CDK10: variants seen among roughly 807,000 people sequenced by gnomAD.
CDK10 encodes cyclin-dependent kinase 10.
CDK10 carries 55 observed loss-of-function variants against 51.0 expected under a neutral mutation model. That is an observed-to-expected ratio of 1.08 (90% CI 0.87 to 1.35). CDK10 has a LOEUF of 1.35. Among genes scored for constraint, CDK10 ranks in the 40% most tolerant of loss-of-function variants. The pLI is 0.00. For synonymous variants in CDK10, 255 were observed against 199.1 expected (o/e 1.28, Z -2.36); for missense variants, 589 against 485.1 (o/e 1.21, Z -2.01).
At chr16:89,688,212 G>A (rs537936441) in intron 1 of CDK10, among the ~76,000 whole-genome samples, 1 of 151,044 alleles carries the variant, frequency 6.6e-6, no homozygotes, top group Non-Finnish European at 1.5e-5. Context: ...CTCCCAAGCA[G>A]CTGGGACTAC....
Position 89,691,493 on chromosome 16 carries a change from C to T in CDK10, c.283C>T (p.His95Tyr). 6.2e-7 allele frequency: 1 copy of T among 1,613,976 alleles called. No homozygotes were observed. Among genetic ancestry groups the T allele is most frequent in the Non-Finnish European group, 8.5e-7 (1 of 1,179,946 alleles). ...GATCACGCTGCTGCTCCGCCTGCGT[C>T]ATCCGAACATCGTGGAGCTGAAGGA... ...REITLLLRLR[H>Y]PNIVELKEVV... The change falls in exon 4 of 13, where the codon CAT becomes TAT. Residue 95 changes from histidine (H) to tyrosine (Y), a missense_variant. His to Tyr is a moderately conservative substitution (Grantham distance 83). Coordinates refer to ENST00000353379, the MANE Select transcript of CDK10 (RefSeq NM_052988.5).
chr16:89,694,357 C>A (rs1567523030), intron 9 of CDK10, 125 bp downstream of exon 9: 1 of 1,062,992 alleles, frequency 9.4e-7, no homozygotes, highest in Non-Finnish European at 1.4e-6. Flanking sequence ...GCCAGCCTCC[C>A]ACTCCCAGGG....
At chr16:89,691,419 C>T (rs779556993) in intron 3 of CDK10, 24 bp from the exon 4 acceptor site, 6 of 1,564,160 alleles carry the variant, frequency 3.8e-6, no homozygotes, top group South Asian at 1.2e-5. Flanking sequence ...GGGTGGGGCT[C>T]GCTGAGGCCA....
At chr16:89,688,511 C>T (rs1458176296) in intron 1 of CDK10, among the ~76,000 whole-genome samples, 1 of 152,160 alleles carries the variant, frequency 6.6e-6, no homozygotes, top group African/African-American at 2.4e-5. Flanking sequence ...AGTTGTTTTG[C>T]ACAGGTGGGT....
At chr16:89,690,881 TC>T (rs1327488959) in intron 3 of CDK10, among the ~76,000 whole-genome samples, 1 of 151,918 alleles carries the variant, frequency 6.6e-6, no homozygotes, top group Admixed American at 6.6e-5. Context: ...AGCTCTGCTG[TC>T]CCCTCCACCC....
intron 8 of CDK10, 97 bp downstream of exon 8, chr16:89,693,564 A>C: frequency 8.2e-7 from 1 of 1,222,628 alleles, no homozygotes; most frequent in Non-Finnish European, 1.2e-6. Context: ...TGGCCTTGGG[A>C]ATGTTAAGCT....
At chr16:89,693,940 G>T (rs2060571995) in intron 8 of CDK10, 2 of 601,994 alleles carry the variant, frequency 3.3e-6, no homozygotes, top group South Asian at 3.9e-5. Flanking sequence ...GTGGCTGTGT[G>T]CCGAGGGTCC....
chr16:89,693,141 A>G (rs1187606476), intron 6 of CDK10, 133 bp from the exon 7 acceptor site: 1 of 655,498 alleles, frequency 1.5e-6, no homozygotes, highest in East Asian at 2.9e-5. Context: ...CTGTCTCAAA[A>G]AAAAAAAAAA....
At chr16:89,694,630 C>T (rs754143546) in intron 9 of CDK10, 35 bp from the exon 10 acceptor site, 19 of 1,567,646 alleles carry the variant, frequency 1.2e-5, no homozygotes, top group African/African-American at 6.7e-5. Context: ...GGTCAGCAGA[C>T]GTCTGGCCGC....
intron 11 of CDK10, 32 bp from the exon 12 acceptor site, chr16:89,695,261 C>A (rs773695180): frequency 2.5e-6 from 4 of 1,594,534 alleles, no homozygotes; most frequent in Admixed American, 1.7e-5. Flanking sequence ...GCCGCACTCA[C>A]AAGTCGCACT....
rs776906003 is a variant in CDK10 at position 89,691,860 on chromosome 16, T to C, written c.390T>C (p.Asn130=). ...CEQDLASLLE[N]MPTPFSEAQV... ...AGGACCTGGCCAGCCTCCTGGAGAA[T>C]ATGCCAACACCCTTCTCGGAGGCTC... is the stretch of plus-strand genomic sequence containing the variant. Residue 130 remains asparagine, a synonymous_variant, in exon 5 of 13, where the codon AAT becomes AAC. Coordinates refer to ENST00000353379, the MANE Select transcript of CDK10 (RefSeq NM_052988.5). The C allele has an allele frequency of 6.2e-6, 10 of 1,614,036 alleles. No individual in the cohort carries two copies. The highest frequency in any genetic ancestry group is 8.5e-6 in the Non-Finnish European group (10 of 1,179,978).
chr16:89,692,623 G>T (rs997826502), intron 6 of CDK10, 107 bp downstream of exon 6: 37 of 725,076 alleles, frequency 5.1e-5, no homozygotes, highest in Non-Finnish European at 7.3e-5. Flanking sequence ...GCAGCAGCCT[G>T]CCCGCTGCTC....
rs1402206437 is a variant in CDK10 at position 89,691,813 on chromosome 16, C to A, written c.343C>A (p.Leu115Met). The change falls in exon 5 of 13, where the codon CTG becomes ATG. Residue 115 changes from leucine to methionine, a missense_variant. Transcript: ENST00000353379. ...VVGNHLESIF[L>M]VMGYCEQDLA... ...ATCTTCTGTTTCTTCCAGCATCTTCCTGGTGATGGGTTACTGTGAGCAGGA... is the reference window on the plus strand; with the variant it reads ...ATCTTCTGTTTCTTCCAGCATCTTCATGGTGATGGGTTACTGTGAGCAGGA... The A allele has an allele frequency of 6.2e-7, 1 of 1,613,850 alleles. No homozygotes were observed. Among genetic ancestry groups the A allele is most frequent in the Non-Finnish European group, 8.5e-7 (1 of 1,179,908 alleles).
At chr16:89,690,403 GCA>G in intron 2 of CDK10, 148 bp from the exon 3 acceptor site, 1 of 693,658 alleles carries the variant, frequency 1.4e-6, no homozygotes, top group Non-Finnish European at 2.6e-6. Context: ...TAGGGGCGTT[GCA>G]CAGAGTGGGG....
At chr16:89,694,127 G>T (rs1344808115) in intron 8 of CDK10, 46 bp from the exon 9 acceptor site, 1 of 1,594,056 alleles carries the variant, frequency 6.3e-7, no homozygotes, top group Middle Eastern at 1.7e-4. Context: ...GGCCTGGGCT[G>T]GGGGAGAGGA....
chr16:89,690,341 A>AC (rs2060386084), intron 2 of CDK10: 4 of 582,346 alleles, frequency 6.9e-6, no homozygotes, highest in Non-Finnish European at 9.2e-6. Flanking sequence ...AAAGTTGGGC[A>AC]CCCCCTGCCC....
chr16:89,691,617 C>A (rs940067880), intron 4 of CDK10, 72 bp downstream of exon 4: 4 of 1,363,924 alleles, frequency 2.9e-6, no homozygotes, highest in Admixed American at 3.7e-5. Flanking sequence ...TTGCACAGAG[C>A]GAGGACTGAG....
At chr16:89,694,036 A>T in intron 8 of CDK10, 137 bp from the exon 9 acceptor site, 1 of 799,738 alleles carries the variant, frequency 1.3e-6, no homozygotes, top group Non-Finnish European at 2.1e-6. Flanking sequence ...CTGGATCTGC[A>T]GGGCCTGGGG....
At chr16:89,693,979 T>C in intron 8 of CDK10, 194 bp from the exon 9 acceptor site, 1 of 631,566 alleles carries the variant, frequency 1.6e-6, no homozygotes, top group Non-Finnish European at 2.8e-6. Context: ...AGGACACCGC[T>C]GCACGTGACA....
Sources: allele counts gnomAD v4.1 joint callset (sites outside exome capture counted in the v4.1 genomes callset), GRCh38; gene constraint gnomAD v4.1.1; transcripts MANE v1.5; gene names NCBI Gene and HGNC (gene_info 2026-07-23, HGNC 2026-07-21).